DST: variants seen among roughly 807,000 people sequenced by gnomAD.
DST encodes bullous pemphigoid antigen.
In DST, 253 loss-of-function variants were observed where a neutral mutation model predicts 875.2. The observed-to-expected ratio is 0.29, with a 90% confidence interval of 0.26 to 0.32. The LOEUF is 0.32. Among genes scored for constraint, DST ranks in the 10% least tolerant of loss-of-function variants. The pLI is 1.00. For synonymous variants in DST, 3,124 were observed against 3,197.1 expected, an observed-to-expected ratio of 0.98 and a Z score of 0.77; for missense variants, 8,287 against 9,111.6, an observed-to-expected ratio of 0.91 and a Z score of 3.68.
chr6:56,786,331 T>G (rs1590332548), intron 4 of DST, among the ~76,000 whole-genome samples: 1 of 152,216 alleles, frequency 6.6e-6, no homozygotes, highest in Admixed American at 6.5e-5. Flanking sequence ...TATTAGCAGA[T>G]AGTAAGCCTG....
At chr6:56,862,113 G>C (rs1429629878) in intron 3 of DST, among the ~76,000 whole-genome samples, 1 of 152,072 alleles carries the variant, frequency 6.6e-6, no homozygotes, top group Non-Finnish European at 1.5e-5. Flanking sequence ...TCAAATGTGA[G>C]TAGAAATTCA....
intron 50 of DST, among the ~76,000 whole-genome samples, chr6:56,576,124 T>C (rs1025826668): frequency 4.6e-5 from 7 of 152,108 alleles, no homozygotes; most frequent in Admixed American, 2.6e-4. Flanking sequence ...AAAAACCCAA[T>C]AGGATTCGTC....
chr6:56,588,736 C>A (rs956145483), intron 49 of DST, among the ~76,000 whole-genome samples: 1 of 152,176 alleles, frequency 6.6e-6, no homozygotes, highest in African/African-American at 2.4e-5. Flanking sequence ...GCAAAAATTT[C>A]CTCAACTAAT....
rs2097442374 is a variant in DST at position 56,557,337 on chromosome 6, T to C, written c.14622A>G (p.Thr4874=). 1 of 1,613,168 alleles carries C rather than the reference T, an allele frequency of 6.2e-7. No homozygotes were observed. Among genetic ancestry groups the C allele is most frequent in the Non-Finnish European group, 8.5e-7 (1 of 1,179,612 alleles). Residue 4874 remains threonine (T), a synonymous_variant, in exon 59 of 104, where the codon ACA becomes ACG. Coordinates refer to ENST00000680361, the MANE Select transcript of DST (RefSeq NM_001374736.1). ...PLSIDPNMLN[T]QRQQVQILLQ... Reference sequence around the variant, plus strand: ...TACTCACCTGCACCTGCTGCCTTTGTGTGTTTAGCATATTTGGGTCAATTG... The same window carrying C: ...TACTCACCTGCACCTGCTGCCTTTGCGTGTTTAGCATATTTGGGTCAATTG...
At chr6:56,576,105 A>C (rs2097859232) in intron 50 of DST, among the ~76,000 whole-genome samples, 1 of 152,154 alleles carries the variant, frequency 6.6e-6, no homozygotes, top group Non-Finnish European at 1.5e-5. Flanking sequence ...TATGTAATGA[A>C]GCTGCCATAA....
intron 4 of DST, among the ~76,000 whole-genome samples, chr6:56,809,852 T>C (rs933783456): frequency 1.3e-5 from 2 of 152,226 alleles, no homozygotes; most frequent in Non-Finnish European, 2.9e-5. Flanking sequence ...CCTAAGAAAT[T>C]ATATGAACAA....
intron 4 of DST, among the ~76,000 whole-genome samples, chr6:56,791,123 G>A (rs1045319888): frequency 2.0e-5 from 3 of 152,158 alleles, no homozygotes; most frequent in East Asian, 1.9e-4. Flanking sequence ...ATCCTTACAC[G>A]AATCCTTTAT....
At chr6:56,941,974 T>TTATGTC (rs375534867) in intron 2 of DST, among the ~76,000 whole-genome samples, 112 of 152,338 alleles carry the variant, frequency 7.4e-4, no homozygotes, top group African/African-American at 2.5e-3. Context: ...TTTGAAATGT[T>TTATGTC]TATGTCATAC....
chr6:56,904,450 A>G (rs1795468048), intron 2 of DST, among the ~76,000 whole-genome samples: 1 of 152,214 alleles, frequency 6.6e-6, no homozygotes, highest in Non-Finnish European at 1.5e-5. Flanking sequence ...CTTGTAGAGT[A>G]ATGGGGTGTT....
intron 92 of DST, 34 bp downstream of exon 92, chr6:56,476,115 T>C (rs1435699462): frequency 1.3e-6 from 2 of 1,519,236 alleles, no homozygotes; most frequent in African/African-American, 1.4e-5. Context: ...TCTGAGATAA[T>C]GGTTAACAGG....
At chr6:56,751,123 T>C (rs907201449) in intron 4 of DST, among the ~76,000 whole-genome samples, 1 of 152,094 alleles carries the variant, frequency 6.6e-6, no homozygotes, top group African/African-American at 2.4e-5. Flanking sequence ...AACAAGAAAA[T>C]ATTTATTTTA....
At chr6:56,523,638 C>A (rs1490743388) in intron 69 of DST, among the ~76,000 whole-genome samples, 1 of 151,970 alleles carries the variant, frequency 6.6e-6, no homozygotes, top group Non-Finnish European at 1.5e-5. Context: ...ATATATGCAA[C>A]CTTAAAACTG....
In DST at chr6:56,552,352, G is replaced by A. The variant is rs914169883; in HGVS notation, c.16440C>T (p.Ala5480=). Residue 5480 remains alanine, a synonymous_variant, in exon 61 of 104, where the codon GCC becomes GCT. Coordinates refer to ENST00000680361, the MANE Select transcript of DST (RefSeq NM_001374736.1). ...CTTCAACCTGCTCTTCTCTGGCTTG[G>A]GCTCGGTCCAGTAACTTGTTGCATT... ...SKQCNKLLDR[A]QAREEQVEGT... is the part of the protein sequence containing the mutation. 1.9e-6 allele frequency: 3 copies of A among 1,613,756 alleles called. No individual in the cohort carries two copies. In the African/African-American group the frequency reaches 4.0e-5, roughly 22 times the overall value.
At chr6:56,811,995 A>G (rs1445326549) in intron 4 of DST, among the ~76,000 whole-genome samples, 3 of 151,392 alleles carry the variant, frequency 2.0e-5, no homozygotes, top group Non-Finnish European at 4.4e-5. Flanking sequence ...CCAGCTACTC[A>G]GGAGGCTGAG....
rs2099284468 is a variant in DST, at chr6:56,699,656, A to G, written c.1044T>C (p.Phe348=). 6.6e-7 allele frequency: 1 copy of G among 1,516,840 alleles called. No homozygotes were observed. Among genetic ancestry groups the G allele is most frequent in the South Asian group, 1.3e-5 (1 of 77,600 alleles). The allele number at this position is 1,516,840 out of a possible 1,614,324, so 94.0% of individuals were successfully genotyped here. ...AATTAAGAAAATTTGGGCTTACCTG[A>G]AAGTGCAAAATTATTGTCCAGATTA... is the stretch of plus-strand genomic sequence containing the variant. The part of the protein sequence containing the change: ...LGLIWTIILH[F]QISDIHVTGE... Residue 348 remains phenylalanine (F), a synonymous_variant, in exon 9 of 104, where the codon TTT becomes TTC. Transcript: ENST00000680361.
chr6:56,508,073 C>T (rs1034391439), intron 75 of DST, among the ~76,000 whole-genome samples: 2 of 152,242 alleles, frequency 1.3e-5, no homozygotes, highest in Middle Eastern at 3.4e-3. Flanking sequence ...CTCACTCTGT[C>T]GCCCAGGTTA....
chr6:56,497,296 C>T (rs1413977389), intron 82 of DST, 83 bp downstream of exon 82: 2 of 1,497,602 alleles, frequency 1.3e-6, no homozygotes, highest in Non-Finnish European at 1.8e-6. Context: ...AGCCTTCTCC[C>T]ACGATTTATG....
chr6:56,855,012 G>A (rs865918451), intron 3 of DST, among the ~76,000 whole-genome samples: 1 of 152,292 alleles, frequency 6.6e-6, no homozygotes, highest in Middle Eastern at 3.4e-3. Flanking sequence ...CAACAAGGGG[G>A]CAGAGTAATT....
intron 5 of DST, among the ~76,000 whole-genome samples, chr6:56,715,937 A>G (rs1408402561): frequency 6.6e-6 from 1 of 152,008 alleles, no homozygotes; most frequent in Admixed American, 6.6e-5. Context: ...AGCCCTAACC[A>G]TCTGGCCCTT....
Sources: gnomAD v4.1 joint callset for allele counts (sites outside exome capture counted in the v4.1 genomes callset) on GRCh38, gnomAD v4.1.1 for gene constraint, MANE v1.5 for transcripts, NCBI Gene and HGNC (gene_info 2026-07-23, HGNC 2026-07-21) for gene names.